Variants in PSME3 observed in about 807,000 individuals in gnomAD.
The protein encoded by PSME3 is proteasome activator complex subunit 3.
A neutral mutation model predicts 38.3 loss-of-function variants in PSME3; 7 were observed. The ratio of observed to expected loss-of-function variants is 0.18; its 90% CI spans 0.10 to 0.34. The LOEUF (loss-of-function observed/expected upper bound fraction) is 0.34, where lower values mean the gene tolerates loss of function less well. Among genes scored for constraint, PSME3 ranks in the 10% least tolerant of loss-of-function variants. The pLI, the probability that PSME3 is intolerant of heterozygous loss-of-function variation, is 1.00. For missense variants in PSME3, 192 were observed against 307.6 expected (o/e 0.62, Z 2.81); for synonymous variants, 108 against 105.7 (o/e 1.02, Z -0.13).
At chr17:42,841,444 T>A in intron 10 of PSME3, 54 bp from the exon 11 acceptor site, 1 of 1,164,852 alleles carries the variant, frequency 8.6e-7, no homozygotes, top group Non-Finnish European at 1.2e-6. Flanking sequence ...CTCATTTTCT[T>A]GATGAGGTAA....
intron 6 of PSME3, 134 bp from the exon 7 acceptor site, chr17:42,838,597 C>T: frequency 1.1e-6 from 1 of 870,096 alleles, no homozygotes; most frequent in Non-Finnish European, 1.8e-6. Flanking sequence ...GGATTACCGG[C>T]ATGAGCCACC....
In PSME3 at chr17:42,843,715, A is replaced by C. The variant is rs567965088; in HGVS notation, c.*2137A>C. 1 of 152,418 alleles carries C rather than the reference A, an allele frequency of 6.6e-6. No homozygotes were observed. Among genetic ancestry groups the C allele is most frequent in the African/African-American group, 2.4e-5 (1 of 41,544 alleles). The allele number at this position is 152,418 out of a possible 1,614,324, so 9.4% of individuals were successfully genotyped here. A position where few individuals can be genotyped will look rare whatever the true frequency, so the allele number is the denominator to read the frequency against. On this transcript the variant is annotated 3_prime_UTR_variant, in exon 11 of 11. Coordinates refer to ENST00000590720, the MANE Select transcript of PSME3 (RefSeq NM_005789.4). ...AAATTACTTGGAGGGCTGCCTAGGA[A>C]TCTATCTCCCTCTGAAATAAAGTTT... is the stretch of plus-strand genomic sequence containing the variant.
chr17:42,839,744 C>T (rs1005662855), intron 10 of PSME3, among the ~76,000 whole-genome samples: 1 of 152,192 alleles, frequency 6.6e-6, no homozygotes. Context: ...TGCCTGTAAT[C>T]CCACCACTTT....
At chr17:42,837,859 C>A in intron 5 of PSME3, 162 bp downstream of exon 5, 1 of 924,704 alleles carries the variant, frequency 1.1e-6, no homozygotes, top group Non-Finnish European at 1.7e-6. Context: ...ATTGAGTGCT[C>A]TAAACCTGGT....
chr17:42,834,896 C>G lies in PSME3; in HGVS notation c.243+20C>G, dbSNP rs1275180160. The G allele has an allele frequency of 1.2e-6, 2 of 1,612,722 alleles. No individual in the cohort carries two copies. Among genetic ancestry groups the G allele is most frequent in the Non-Finnish European group, 1.7e-6 (2 of 1,179,422 alleles). On this transcript the variant is annotated intron_variant, in intron 4 of 10. Transcript: ENST00000590720. ...GATGGTGTAAGTGTCCTATATTTATCTTTGTGTTCTTGAGCAGTAGGTCCT... is the reference window on the plus strand; with the variant it reads ...GATGGTGTAAGTGTCCTATATTTATGTTTGTGTTCTTGAGCAGTAGGTCCT...
chr17:42,837,883 G>C, intron 5 of PSME3, 186 bp downstream of exon 5: 1 of 861,908 alleles, frequency 1.2e-6, no homozygotes, highest in Non-Finnish European at 1.8e-6. Context: ...CCAATAAACA[G>C]AGGATTTAAG....
Position 42,834,393 on chromosome 17 carries a change from G to T in PSME3, c.75+17G>T, listed in dbSNP as rs1249886550. On this transcript the variant is annotated intron_variant, in intron 2 of 10. Coordinates refer to ENST00000590720, the MANE Select transcript of PSME3 (RefSeq NM_005789.4). ...ACAAGTGAGGTGAGTGAAATAAATA[G>T]AAAAATGGTTGTTGGTTGAGAATTT... 4.3e-6 allele frequency: 7 copies of T among 1,613,530 alleles called. No individual in the cohort carries two copies. The highest frequency in any genetic ancestry group is 5.9e-6 in the Non-Finnish European group (7 of 1,179,734).
chr17:42,839,452 C>A (rs1390872160), intron 10 of PSME3, 72 bp downstream of exon 10: 3 of 1,272,776 alleles, frequency 2.4e-6, no homozygotes, highest in South Asian at 1.2e-5. Flanking sequence ...TGTTAAAATT[C>A]TCTGAAGGGC....
chr17:42,833,512 A>G lies in PSME3; in HGVS notation c.-120A>G. 1 of 1,285,328 alleles carries G rather than the reference A, an allele frequency of 7.8e-7. No individual in the cohort carries two copies. 79.6% of individuals were successfully genotyped at this position (1,285,328 alleles called of 1,614,324 possible). A position where few individuals can be genotyped will look rare whatever the true frequency, so the allele number is the denominator to read the frequency against. On this transcript the variant is annotated 5_prime_UTR_variant, in exon 1 of 11. Coordinates refer to ENST00000590720, the MANE Select transcript of PSME3 (RefSeq NM_005789.4). ...GGGAGGGAGCGAGCGAGCAGTGAGT[A>G]AGCCAGCAAGGGCGGTCGGGTCCCG...
chr17:42,840,283 C>CAAATAA (rs1421149941), intron 10 of PSME3, among the ~76,000 whole-genome samples: 1 of 150,536 alleles, frequency 6.6e-6, no homozygotes, highest in African/African-American at 2.5e-5. Context: ...AACTCCGCCT[C>CAAATAA]AAATAAAAAT....
intron 10 of PSME3, among the ~76,000 whole-genome samples, chr17:42,840,326 C>A (rs2055516407): frequency 6.6e-6 from 1 of 150,610 alleles, no homozygotes; most frequent in African/African-American, 2.4e-5. Flanking sequence ...ACTGAAGAGG[C>A]CGGGTGTGGT....
intron 1 of PSME3, 171 bp from the exon 2 acceptor site, chr17:42,834,173 T>A: frequency 6.6e-7 from 1 of 1,518,484 alleles, no homozygotes; most frequent in Non-Finnish European, 8.8e-7. Flanking sequence ...AGCCCTGCGT[T>A]CTTCTGAGAT....
chr17:42,837,377 G>C (rs1243189971), intron 4 of PSME3, among the ~76,000 whole-genome samples: 1 of 151,892 alleles, frequency 6.6e-6, no homozygotes, highest in Admixed American at 6.6e-5. Flanking sequence ...TAGAGATGGG[G>C]TTTCACTATG....
At chr17:42,838,037 G>A in intron 5 of PSME3, 56 bp from the exon 6 acceptor site, 2 of 1,575,244 alleles carry the variant, frequency 1.3e-6, no homozygotes, top group South Asian at 1.1e-5. Context: ...GAGAGAGGCA[G>A]GGGATGCTGT....
At chr17:42,840,673 T>C (rs2055520871) in intron 10 of PSME3, among the ~76,000 whole-genome samples, 1 of 151,998 alleles carries the variant, frequency 6.6e-6, no homozygotes, top group East Asian at 1.9e-4. Context: ...TTAAAATAAG[T>C]GAGATAACAC....
In PSME3 at chr17:42,840,293, TAAATA is replaced by T. The variant is rs199987102; in HGVS notation, c.684+928_684+932del. 2.4e-3 allele frequency among the ~76,000 whole-genome samples: 291 copies of T among 122,348 alleles called. 2 individuals carry two copies. The highest frequency in any genetic ancestry group is 8.5e-3 in the African/African-American group (277 of 32,548). 80.3% of individuals were successfully genotyped at this position (122,348 alleles called of 152,430 possible). On this transcript the variant is annotated intron_variant, in intron 10 of 10. Coordinates refer to ENST00000590720, the MANE Select transcript of PSME3 (RefSeq NM_005789.4). ...AGCGAAACTCCGCCTCAAATAAAAA[TAAATA>T]AAATAAAATAAAATGGGACTGAAGA... is the stretch of plus-strand genomic sequence containing the variant.
rs896624883 is a variant in PSME3, at chr17:42,833,433, G to A, written c.-199G>A. Reference sequence around the variant, plus strand: ...CGTGAGCGGCGAAAGCCGGGAGGGCGAGCGAGAGAGCAAGCAGGCAGCAGG... The same window carrying A: ...CGTGAGCGGCGAAAGCCGGGAGGGCAAGCGAGAGAGCAAGCAGGCAGCAGG... On this transcript the variant is annotated 5_prime_UTR_variant, in exon 1 of 11. Coordinates refer to ENST00000590720, the MANE Select transcript of PSME3 (RefSeq NM_005789.4). 4 of 626,862 alleles carry A rather than the reference G, an allele frequency of 6.4e-6. No individual in the cohort carries two copies. The highest frequency in any genetic ancestry group is 3.9e-5 in the South Asian group (2 of 51,200). The allele number at this position is 626,862 out of a possible 1,614,324, so 38.8% of individuals were successfully genotyped here.
intron 3 of PSME3, 46 bp downstream of exon 3, chr17:42,834,623 C>T (rs376249109): frequency 7.5e-5 from 121 of 1,610,538 alleles, no homozygotes; most frequent in Non-Finnish European, 9.9e-5. Context: ...TTTTTTGGCC[C>T]TGGTATTACT....
chr17:42,838,341 T>A (rs190366678), intron 6 of PSME3, 136 bp downstream of exon 6: 18 of 1,418,828 alleles, frequency 1.3e-5, no homozygotes, highest in Middle Eastern at 2.6e-4. Context: ...GGGGTCTCGC[T>A]CCATCACCCA....
Sources: gnomAD v4.1 joint callset for allele counts (sites outside exome capture counted in the v4.1 genomes callset) on GRCh38, gnomAD v4.1.1 for gene constraint, MANE v1.5 for transcripts, NCBI Gene and HGNC (gene_info 2026-07-23, HGNC 2026-07-21) for gene names.